The following PSD3 variants were observed in gnomAD, a reference collection of about 807,000 sequenced individuals.
PSD3 encodes the protein PH and SEC7 domain-containing protein 3.
Under a neutral mutation model 105.5 loss-of-function variants are expected in PSD3, and 49 were observed. That is an observed-to-expected ratio of 0.46 (90% CI 0.37 to 0.59). The LOEUF (loss-of-function observed/expected upper bound fraction) is 0.59, where lower values mean the gene tolerates loss of function less well. Ranked by LOEUF, PSD3 falls within the 20% of genes least tolerant of loss-of-function variation. PSD3 has a pLI of 0.00. For synonymous variants in PSD3, 557 were observed against 457.8 expected, an observed-to-expected ratio of 1.22 and a Z score of -2.77; for missense variants, 1,561 against 1,263.8, an observed-to-expected ratio of 1.24 and a Z score of -3.57.
At chr8:19,039,264 T>G (rs1261330145) in intron 1 of PSD3, among the ~76,000 whole-genome samples, 1 of 152,200 alleles carries the variant, frequency 6.6e-6, no homozygotes, top group Non-Finnish European at 1.5e-5. Flanking sequence ...CCCTTGAAAA[T>G]CTTTTTCCAT....
Position 19,003,863 on chromosome 8 carries a change from A to C in PSD3, c.21+9700T>G, listed in dbSNP as rs573745471. On this transcript the variant is annotated intron_variant, in intron 1 of 15. Transcript: ENST00000327040. ...TCTCCCTGGCGAGGGATGTTTGTCA[A>C]CTGGAGACCACACCCACTAAAGAGA... Among the ~76,000 whole-genome samples the C allele has an allele frequency of 1.3e-4, 20 of 152,068 alleles. 1 individual carries two copies. In the South Asian group the frequency reaches 4.0e-3, roughly 30 times the overall value.
At chr8:18,707,072 T>A (rs1199904233) in intron 9 of PSD3, among the ~76,000 whole-genome samples, 1 of 152,192 alleles carries the variant, frequency 6.6e-6, no homozygotes, top group Non-Finnish European at 1.5e-5. Flanking sequence ...CATGTTCCTA[T>A]TACGCTTATT....
rs188405930 is a variant in PSD3 at position 18,988,320 on chromosome 8, C to T, written c.21+25243G>A. On this transcript the variant is annotated intron_variant, in intron 1 of 15. Transcript: ENST00000327040. ...AAGGAAAAGCACGAAAGCCCTATTCCCAAACTGCGAATAAGACACTCCTGC... is the reference window on the plus strand; with the variant it reads ...AAGGAAAAGCACGAAAGCCCTATTCTCAAACTGCGAATAAGACACTCCTGC... Among the ~76,000 whole-genome samples the T allele has an allele frequency of 2.1e-3, 324 of 152,144 alleles. 2 individuals are homozygous for T. Among genetic ancestry groups the T allele is most frequent in the Admixed American group, 4.2e-3 (64 of 15,274 alleles).
intron 9 of PSD3, among the ~76,000 whole-genome samples, chr8:18,701,779 G>A (rs1448611436): frequency 6.6e-6 from 1 of 152,176 alleles, no homozygotes; most frequent in African/African-American, 2.4e-5. Context: ...AAATATAAGA[G>A]CTTTACAACT....
intron 1 of PSD3, among the ~76,000 whole-genome samples, chr8:19,008,992 A>G (rs1390925235): frequency 1.3e-5 from 2 of 152,226 alleles, no homozygotes; most frequent in African/African-American, 4.8e-5. Context: ...AGGTGATGCA[A>G]TTAGAAATTA....
intron 9 of PSD3, among the ~76,000 whole-genome samples, chr8:18,753,037 G>A (rs1189737269): frequency 6.6e-6 from 1 of 151,978 alleles, no homozygotes; most frequent in Admixed American, 6.6e-5. Context: ...GGGAAAAAGT[G>A]TGAAGGTATC....
At chr8:19,078,305 T>C (rs1829524892) in intron 1 of PSD3, among the ~76,000 whole-genome samples, 1 of 152,220 alleles carries the variant, frequency 6.6e-6, no homozygotes, top group Non-Finnish European at 1.5e-5. Flanking sequence ...TTGATTCTAA[T>C]ATATTACAAA....
At chr8:19,014,605 C>T (rs1325774054), upstream of PSD3, 1 of 152,294 alleles carries the variant, frequency 6.6e-6, no homozygotes, top group Non-Finnish European at 1.5e-5. The surrounding 1 kb of genome is among the most constrained non-coding windows in gnomAD (Gnocchi z 4.9). Context: ...GTGTGGCCGG[C>T]TACAGGGTGG....
intron 7 of PSD3, among the ~76,000 whole-genome samples, chr8:18,799,753 T>C (rs926795983): frequency 2.0e-5 from 3 of 152,204 alleles, no homozygotes; most frequent in Non-Finnish European, 4.4e-5. Context: ...AAAGACACAT[T>C]ACTGTTAGGT....
chr8:19,022,419 A>G (rs1827392458), intron 1 of PSD3, among the ~76,000 whole-genome samples: 1 of 152,162 alleles, frequency 6.6e-6, no homozygotes, highest in Non-Finnish European at 1.5e-5. Context: ...GATAGACTCC[A>G]TGCCAACTCT....
At chr8:18,668,108 G>A (rs1464208670) in intron 9 of PSD3, among the ~76,000 whole-genome samples, 3 of 152,176 alleles carry the variant, frequency 2.0e-5, no homozygotes, top group Non-Finnish European at 4.4e-5. Context: ...CTCCGGCCTC[G>A]GTCAGCCCAG....
intron 4 of PSD3, among the ~76,000 whole-genome samples, chr8:18,818,725 G>C (rs902333531): frequency 6.6e-6 from 1 of 152,008 alleles, no homozygotes; most frequent in Non-Finnish European, 1.5e-5. Flanking sequence ...AAAGAATGAA[G>C]AGTCTTTAAA....
Position 18,765,295 on chromosome 8 carries a change from G to A in PSD3, c.2172+154C>T, listed in dbSNP as rs113379249. ...ATCAACTTAAGGTACTTTGCAGCAC[G>A]AAAAATCAAGGACAAGGCTTAAAAG... On this transcript the variant is annotated intron_variant, in intron 9 of 15. Coordinates refer to ENST00000327040, the MANE Select transcript of PSD3 (RefSeq NM_015310.4). Among the ~76,000 whole-genome samples, 8 of 152,188 alleles carry A rather than the reference G, an allele frequency of 5.3e-5. No homozygotes were observed. In the East Asian group the frequency reaches 7.7e-4, roughly 15 times the overall value.
chr8:19,033,716 A>G (rs931041105), intron 1 of PSD3, among the ~76,000 whole-genome samples: 1 of 151,988 alleles, frequency 6.6e-6, no homozygotes, highest in African/African-American at 2.4e-5. Flanking sequence ...TCTTAGTGAT[A>G]GCAGCACTCC....
intron 9 of PSD3, among the ~76,000 whole-genome samples, chr8:18,676,103 C>T (rs569669613): frequency 6.2e-4 from 95 of 152,180 alleles, no homozygotes; most frequent in African/African-American, 2.1e-3. Context: ...TTTTCTCTTT[C>T]GACTCCTATC....
Position 18,610,810 on chromosome 8 carries a change from C to A in PSD3, c.2411-10376G>T, listed in dbSNP as rs6990011. 1.4e-4 allele frequency among the ~76,000 whole-genome samples: 22 copies of A among 152,024 alleles called. No homozygotes were observed. In the South Asian group the frequency reaches 3.7e-3, roughly 26 times the overall value. On this transcript the variant is annotated intron_variant, in intron 11 of 15. Transcript: ENST00000327040. ...CTATAAGAGGTCTCAAGACTTTTAC[C>A]CTAAAATGTTCTGAAATGCCAGAAA... is the stretch of plus-strand genomic sequence containing the variant.
At chr8:18,966,110 C>T (rs1355516748) in intron 1 of PSD3, among the ~76,000 whole-genome samples, 2 of 152,168 alleles carry the variant, frequency 1.3e-5, no homozygotes, top group Non-Finnish European at 2.9e-5. Context: ...AGAAAACAGT[C>T]GACTTGAATC....
chr8:18,562,235 G>A (rs1310643201), intron 14 of PSD3, among the ~76,000 whole-genome samples: 1 of 152,194 alleles, frequency 6.6e-6, no homozygotes, highest in Non-Finnish European at 1.5e-5. Context: ...GTGGGATACA[G>A]AATCCTAGAT....
At chr8:18,796,443 C>T (rs1425678178) in intron 8 of PSD3, among the ~76,000 whole-genome samples, 1 of 152,064 alleles carries the variant, frequency 6.6e-6, no homozygotes, top group African/African-American at 2.4e-5. Flanking sequence ...CACACGCATG[C>T]TATATACATG....
Sources: gnomAD v4.1 joint callset for allele counts (sites outside exome capture counted in the v4.1 genomes callset) on GRCh38, gnomAD v4.1.1 for gene constraint, Gnocchi (gnomAD v3.1) non-coding constraint, MANE v1.5 for transcripts, NCBI Gene and HGNC (gene_info 2026-07-23, HGNC 2026-07-21) for gene names.